Variants in SMOC2 observed in about 807,000 individuals in gnomAD.
The protein encoded by SMOC2 is SPARC related modular calcium binding 2.
A neutral mutation model predicts 61.4 loss-of-function variants in SMOC2; 39 were observed. That is an observed-to-expected ratio of 0.64 (90% CI 0.49 to 0.83). The LOEUF is 0.83. Among genes scored for constraint, SMOC2 ranks in the 40% least tolerant of loss-of-function variants. The probability of loss-of-function intolerance (pLI) is 0.00; values close to 1 mark genes in which losing one functional copy is unlikely to be tolerated. For missense variants in SMOC2, 556 were observed against 592.9 expected (o/e 0.94, Z 0.65); for synonymous variants, 247 against 239.9 (o/e 1.03, Z -0.27).
Position 168,628,643 on chromosome 6 carries a change from C to T in SMOC2, c.907+20404C>T, listed in dbSNP as rs545723134. Among the ~76,000 whole-genome samples the T allele has an allele frequency of 3.9e-4, 60 of 152,368 alleles. 1 individual carries two copies. Among genetic ancestry groups the T allele is most frequent in the African/African-American group, 1.3e-3 (52 of 41,596 alleles). ...ACCAATTCCTTCTCCTAAGTCCCCA[C>T]GTCTCACTCTTGTCTGCCTATTCAA... is the stretch of plus-strand genomic sequence containing the variant. On this transcript the variant is annotated intron_variant, in intron 9 of 12. Transcript: ENST00000356284.
intron 7 of SMOC2, among the ~76,000 whole-genome samples, chr6:168,591,449 G>A (rs1302016010): frequency 2.0e-5 from 3 of 152,304 alleles, no homozygotes; most frequent in South Asian, 2.1e-4. Flanking sequence ...TGGGTTCTGA[G>A]TACCAGCAGG....
chr6:168,662,004 T>C (rs1233748143), intron 11 of SMOC2, among the ~76,000 whole-genome samples: 1 of 152,250 alleles, frequency 6.6e-6, no homozygotes, highest in African/African-American at 2.4e-5. Flanking sequence ...TCATACTCTG[T>C]TTCTATTTGC....
chr6:168,538,236 GCGGGGTGGCCCC>G (rs1783784563), intron 4 of SMOC2, among the ~76,000 whole-genome samples: 1 of 146,138 alleles, frequency 6.8e-6, no homozygotes, highest in Non-Finnish European at 1.5e-5. Flanking sequence ...ATCTGGGGGA[GCGGGGTGGCCCC>G]TGCTGGAATC....
chr6:168,629,867 G>T (rs915399232), intron 9 of SMOC2, among the ~76,000 whole-genome samples: 1 of 152,178 alleles, frequency 6.6e-6, no homozygotes, highest in Non-Finnish European at 1.5e-5. Context: ...TGTTTATGAA[G>T]CTGACTTGGT....
intron 1 of SMOC2, among the ~76,000 whole-genome samples, chr6:168,499,719 A>G (rs1782679741): frequency 6.6e-6 from 1 of 152,198 alleles, no homozygotes; most frequent in African/African-American, 2.4e-5. Context: ...GTCATCCTGT[A>G]ATTTTCCACT....
chr6:168,618,506 G>A (rs945355670), intron 9 of SMOC2, among the ~76,000 whole-genome samples: 3 of 150,474 alleles, frequency 2.0e-5, no homozygotes, highest in South Asian at 2.1e-4. Flanking sequence ...GAGGAGAGGC[G>A]GGTAGTGGCA....
intron 1 of SMOC2, among the ~76,000 whole-genome samples, chr6:168,447,276 G>C (rs998166359): frequency 2.6e-5 from 4 of 151,984 alleles, no homozygotes; most frequent in African/African-American, 9.7e-5. Flanking sequence ...TTGCCATGCT[G>C]TCCAGGCTGG....
chr6:168,656,893 A>G (rs914636480), intron 11 of SMOC2, among the ~76,000 whole-genome samples: 8 of 152,220 alleles, frequency 5.3e-5, no homozygotes, highest in Admixed American at 2.0e-4. Flanking sequence ...GGCTGTACCT[A>G]TGGCCGCCTC....
At chr6:168,447,468 T>C (rs1407566893) in intron 1 of SMOC2, among the ~76,000 whole-genome samples, 1 of 152,174 alleles carries the variant, frequency 6.6e-6, no homozygotes, top group Non-Finnish European at 1.5e-5. Context: ...GGTTTTCTAG[T>C]TTCTGTTCCT....
chr6:168,531,842 C>T (rs1783610260), intron 4 of SMOC2, among the ~76,000 whole-genome samples: 1 of 152,156 alleles, frequency 6.6e-6, no homozygotes, highest in African/African-American at 2.4e-5. Context: ...TGTTTCTCCC[C>T]CAAATACCAA....
chr6:168,474,502 C>G (rs1291342883), intron 1 of SMOC2, among the ~76,000 whole-genome samples: 1 of 152,170 alleles, frequency 6.6e-6, no homozygotes, highest in Non-Finnish European at 1.5e-5. Flanking sequence ...CCGCTTGGTT[C>G]TGGCCTCTCT....
intron 8 of SMOC2, among the ~76,000 whole-genome samples, chr6:168,607,824 G>T (rs976598887): frequency 6.6e-6 from 1 of 151,064 alleles, no homozygotes; most frequent in South Asian, 2.1e-4. Flanking sequence ...TGTGGGCGCT[G>T]CTCCATCCAA....
chr6:168,554,553 C>A (rs34412982), intron 7 of SMOC2, among the ~76,000 whole-genome samples: 5 of 152,226 alleles, frequency 3.3e-5, no homozygotes, highest in African/African-American at 1.2e-4. Flanking sequence ...GGAGGCCCCC[C>A]GTCTCAGGCC....
At chr6:168,512,727 C>G (rs751687285) in intron 2 of SMOC2, among the ~76,000 whole-genome samples, 1 of 152,104 alleles carries the variant, frequency 6.6e-6, no homozygotes, top group Non-Finnish European at 1.5e-5. Context: ...GAGCTGGGCT[C>G]TGGACACTCA....
intron 9 of SMOC2, among the ~76,000 whole-genome samples, chr6:168,613,358 G>A (rs919551450): frequency 1.3e-5 from 2 of 152,184 alleles, no homozygotes; most frequent in African/African-American, 2.4e-5. Context: ...ACCAGTGTGA[G>A]GACAGAGGGG....
intron 2 of SMOC2, among the ~76,000 whole-genome samples, chr6:168,518,637 G>GTA (rs1783217365): frequency 2.7e-5 from 1 of 37,584 alleles, no homozygotes; most frequent in African/African-American, 3.9e-5. Context: ...GCATGTGTGA[G>GTA]TGTATGCTTG....
chr6:168,457,794 A>C (rs568064027), intron 1 of SMOC2, among the ~76,000 whole-genome samples: 1 of 152,176 alleles, frequency 6.6e-6, no homozygotes, highest in South Asian at 2.1e-4. Context: ...AATTTTTCCA[A>C]GCCTGTTTTG....
In SMOC2 at chr6:168,609,690, A is replaced by G. The variant is rs556332293; in HGVS notation, c.907+1451A>G. 1.6e-4 allele frequency among the ~76,000 whole-genome samples: 24 copies of G among 152,314 alleles called. No homozygotes were observed. In the South Asian group the frequency reaches 5.0e-3, roughly 32 times the overall value. On this transcript the variant is annotated intron_variant, in intron 9 of 12. Coordinates refer to ENST00000356284, the MANE Select transcript of SMOC2 (RefSeq NM_001166412.2). ...TTAAAAGACATAATGAGCTTCTCAC[A>G]TGCTTGCTGCATGGAAAGCCCTCAA...
At chr6:168,488,334 T>C (rs1782383675) in intron 1 of SMOC2, among the ~76,000 whole-genome samples, 1 of 152,204 alleles carries the variant, frequency 6.6e-6, no homozygotes, top group African/African-American at 2.4e-5. Context: ...CTGTGTCTGT[T>C]TTCTCTTCTT....
Sources: gnomAD v4.1 joint callset for allele counts (sites outside exome capture counted in the v4.1 genomes callset) on GRCh38, gnomAD v4.1.1 for gene constraint, MANE v1.5 for transcripts, NCBI Gene and HGNC (gene_info 2026-07-23, HGNC 2026-07-21) for gene names.